FGF12: variants seen among roughly 807,000 people sequenced by gnomAD.
The protein encoded by FGF12 is fibroblast growth factor 12.
A neutral mutation model predicts 23.6 loss-of-function variants in FGF12; 14 were observed. That is an observed-to-expected ratio of 0.59 (90% confidence interval 0.39 to 0.93). The LOEUF is 0.93. FGF12 is among the 40% of genes least tolerant of loss of function. The pLI, the probability that FGF12 is intolerant of heterozygous loss-of-function variation, is 0.00. For synonymous variants in FGF12, 62 were observed against 77.3 expected (o/e 0.80, Z 1.04); for missense variants, 175 against 217.8 (o/e 0.80, Z 1.24).
At chr3:192,364,216 G>C (rs930327630) in intron 2 of FGF12, among the ~76,000 whole-genome samples, 1 of 152,172 alleles carries the variant, frequency 6.6e-6, no homozygotes, top group Admixed American at 6.5e-5. Context: ...GTAAGTACCT[G>C]TTCTCAACAA....
intron 2 of FGF12, among the ~76,000 whole-genome samples, chr3:192,373,133 G>A (rs995698257): frequency 6.6e-6 from 1 of 151,642 alleles, no homozygotes; most frequent in Non-Finnish European, 1.5e-5. Context: ...GCACGTAGTC[G>A]AATTTGTAAC....
Position 192,673,576 on chromosome 3 carries a change from CCCCT to C in FGF12, c.13+53601_13+53604del, listed in dbSNP as rs1051165820. 9.3e-5 allele frequency among the ~76,000 whole-genome samples: 14 copies of C among 150,630 alleles called. 1 individual carries two copies. The highest frequency in any genetic ancestry group is 3.4e-4 in the African/African-American group (14 of 41,264). ...CTGACAGGCTCCAGTGTGTGTTGCT[CCCCT>C]CCCTGTGTCCATGTGTTCTCGCTGT... On this transcript the variant is annotated intron_variant, in intron 2 of 5. Coordinates refer to ENST00000445105, the MANE Select transcript of FGF12 (RefSeq NM_004113.6).
At chr3:192,701,309 T>C (rs1346132402) in intron 2 of FGF12, among the ~76,000 whole-genome samples, 3 of 152,356 alleles carry the variant, frequency 2.0e-5, no homozygotes, top group Middle Eastern at 6.8e-3. Flanking sequence ...TATTGACTGA[T>C]GACATGTCTC....
chr3:192,340,885 A>G (rs1717658415), intron 3 of FGF12, among the ~76,000 whole-genome samples: 1 of 152,224 alleles, frequency 6.6e-6, no homozygotes, highest in African/African-American at 2.4e-5. Flanking sequence ...GAAAAAGTCA[A>G]CATTGGCCTT....
chr3:192,592,809 C>T (rs1202721422), intron 2 of FGF12, among the ~76,000 whole-genome samples: 1 of 151,920 alleles, frequency 6.6e-6, no homozygotes, highest in East Asian at 1.9e-4. Flanking sequence ...CAGTACACCT[C>T]AGCTCGACTC....
At chr3:192,681,955 G>C (rs1717545639) in intron 2 of FGF12, among the ~76,000 whole-genome samples, 2 of 152,140 alleles carry the variant, frequency 1.3e-5, no homozygotes, top group Admixed American at 6.5e-5. Flanking sequence ...CATAGTGTCA[G>C]ATTGGGAAGC....
chr3:192,726,458 T>C (rs1013210134), intron 2 of FGF12, among the ~76,000 whole-genome samples: 1 of 152,224 alleles, frequency 6.6e-6, no homozygotes. Context: ...GTTGTGTTTA[T>C]GTGTGTTCAA....
chr3:192,614,968 GA>G (rs1466769727), intron 2 of FGF12, among the ~76,000 whole-genome samples: 2 of 151,786 alleles, frequency 1.3e-5, no homozygotes, highest in Admixed American at 1.3e-4. Context: ...GAATTTTGAT[GA>G]AAATAAAATC....
chr3:192,677,362 G>T (rs1309622589), intron 2 of FGF12, among the ~76,000 whole-genome samples: 1 of 152,110 alleles, frequency 6.6e-6, no homozygotes, highest in African/African-American at 2.4e-5. Flanking sequence ...AGATGAGTAG[G>T]CCAAAGAAAA....
intron 2 of FGF12, among the ~76,000 whole-genome samples, chr3:192,521,948 T>A (rs958720119): frequency 1.3e-5 from 2 of 152,090 alleles, no homozygotes; most frequent in Admixed American, 6.5e-5. Flanking sequence ...CAATGGGGAC[T>A]TTTACTTTGG....
intron 2 of FGF12, among the ~76,000 whole-genome samples, chr3:192,377,397 G>A (rs913246842): frequency 6.6e-6 from 1 of 152,148 alleles, no homozygotes; most frequent in African/African-American, 2.4e-5. Flanking sequence ...CTGGCACATA[G>A]AGATTTCCCC....
At chr3:192,181,092 CA>C (rs1178150024) in intron 4 of FGF12, among the ~76,000 whole-genome samples, 1 of 152,120 alleles carries the variant, frequency 6.6e-6, no homozygotes, top group Non-Finnish European at 1.5e-5. Context: ...AGCACATGCT[CA>C]GGATGAGACT....
intron 2 of FGF12, chr3:192,515,019 A>G: frequency 4.9e-6 from 1 of 205,670 alleles, no homozygotes; most frequent in Non-Finnish European, 8.5e-6. Flanking sequence ...GCCCCTTGAG[A>G]CCTTCCGGAG....
chr3:192,321,786 C>T lies in FGF12; in HGVS notation c.228+13575G>A, dbSNP rs371565767. 5.9e-5 allele frequency among the ~76,000 whole-genome samples: 9 copies of T among 151,904 alleles called. No individual in the cohort carries two copies. In the East Asian group the frequency reaches 7.7e-4, roughly 13 times the overall value. ...TCAACATCCTTTCATGATCAAAACC[C>T]TAAAAATGATGGGTATAGAAGGATC... On this transcript the variant is annotated intron_variant, in intron 4 of 5. Coordinates refer to ENST00000445105, the MANE Select transcript of FGF12 (RefSeq NM_004113.6).
At chr3:192,229,002 T>G (rs1429205864) in intron 4 of FGF12, among the ~76,000 whole-genome samples, 1 of 152,024 alleles carries the variant, frequency 6.6e-6, no homozygotes, top group African/African-American at 2.4e-5. Context: ...TTACAGTTGA[T>G]CAGATAATTT....
At chr3:192,433,080 C>A (rs1353752958) in intron 2 of FGF12, among the ~76,000 whole-genome samples, 1 of 152,102 alleles carries the variant, frequency 6.6e-6, no homozygotes, top group Admixed American at 6.6e-5. Flanking sequence ...CCAACGCACA[C>A]ATATGTTCTA....
intron 3 of FGF12, among the ~76,000 whole-genome samples, chr3:192,352,919 G>T (rs1318860794): frequency 6.6e-6 from 1 of 152,126 alleles, no homozygotes; most frequent in Non-Finnish European, 1.5e-5. Context: ...ATCACACAGG[G>T]ATTTGCAAAC....
chr3:192,401,827 T>C (rs1252135526), intron 2 of FGF12, among the ~76,000 whole-genome samples: 1 of 152,206 alleles, frequency 6.6e-6, no homozygotes, highest in East Asian at 1.9e-4. Flanking sequence ...AGCACCGAGC[T>C]CCCTCTCACA....
chr3:192,487,257 T>C (rs1266406445), intron 2 of FGF12, among the ~76,000 whole-genome samples: 1 of 152,134 alleles, frequency 6.6e-6, no homozygotes, highest in East Asian at 1.9e-4. Context: ...TAGTAACTAA[T>C]AACAATCACA....
Sources: allele counts gnomAD v4.1 joint callset (sites outside exome capture counted in the v4.1 genomes callset), GRCh38; gene constraint gnomAD v4.1.1; transcripts MANE v1.5; gene names NCBI Gene and HGNC (gene_info 2026-07-23, HGNC 2026-07-21).